WWP2: variants seen among roughly 807,000 people sequenced by gnomAD.
WWP2 encodes NEDD4-like E3 ubiquitin-protein ligase WWP2.
WWP2 carries 57 observed loss-of-function variants against 121.0 expected under a neutral mutation model. The observed-to-expected ratio is 0.47, with a 90% confidence interval of 0.38 to 0.59. WWP2 has a LOEUF of 0.59. Among genes scored for constraint, WWP2 ranks in the 20% least tolerant of loss-of-function variants. WWP2 has a pLI of 0.00. For missense variants in WWP2, 962 were observed against 1,158.9 expected (o/e 0.83, Z 2.47); for synonymous variants, 449 against 441.3 (o/e 1.02, Z -0.22).
At chr16:69,779,901 G>T (rs1177851977) in intron 1 of WWP2, among the ~76,000 whole-genome samples, 2 of 152,102 alleles carry the variant, frequency 1.3e-5, no homozygotes, top group African/African-American at 4.8e-5. Flanking sequence ...GTTCAATTAT[G>T]AAAGAGATCA....
Position 69,912,369 on chromosome 16 carries a change from TCACACACACA to T in WWP2, c.1004+3552_1004+3561del, listed in dbSNP as rs3051446. Among the ~76,000 whole-genome samples, 168 of 140,256 alleles carry T rather than the reference TCACACACACA, an allele frequency of 1.2e-3. 1 individual carries two copies. The highest frequency in any genetic ancestry group is 6.0e-3 in the South Asian group (25 of 4,190). 92.0% of individuals were successfully genotyped at this position (140,256 alleles called of 152,430 possible). ...TGGAAGTTTGTGCAGGGAGTTAGAT[TCACACACACA>T]CACACACACACACACACACACACAC... is the stretch of plus-strand genomic sequence containing the variant. On this transcript the variant is annotated intron_variant, in intron 9 of 23. Transcript: ENST00000359154.
intron 8 of WWP2, among the ~76,000 whole-genome samples, chr16:69,900,108 A>T (rs1253311387): frequency 6.6e-6 from 1 of 152,226 alleles, no homozygotes. Flanking sequence ...ATGCACTTAT[A>T]GCTAAATTTT....
At chr16:69,776,184 C>G (rs949393121) in intron 1 of WWP2, 5 of 152,142 alleles carry the variant, frequency 3.3e-5, no homozygotes, top group African/African-American at 1.2e-4. Flanking sequence ...TTTTTCTCCC[C>G]TTAGATGAAA....
intron 4 of WWP2, among the ~76,000 whole-genome samples, chr16:69,817,865 G>T (rs1246908249): frequency 6.6e-6 from 1 of 151,682 alleles, no homozygotes; most frequent in East Asian, 1.9e-4. Flanking sequence ...CAAAGTGTTG[G>T]GATTACAGGT....
intron 12 of WWP2, 107 bp from the exon 13 acceptor site, chr16:69,930,023 C>G: frequency 2.0e-6 from 3 of 1,533,654 alleles, no homozygotes; most frequent in Non-Finnish European, 1.8e-6. Context: ...CTCAAAGTCC[C>G]TCATGGGCTC....
chr16:69,927,622 CT>C lies in WWP2; in HGVS notation c.1235-1825del, dbSNP rs147332645. ...CCTCAAGCCCGCTGGACAGATCCCC[CT>C]GGCCCTGTGGTTAGCCTTGGCTTTG... On this transcript the variant is annotated intron_variant, in intron 11 of 23. Coordinates refer to ENST00000359154, the MANE Select transcript of WWP2 (RefSeq NM_001270454.2). Among the ~76,000 whole-genome samples, 274 of 152,362 alleles carry C rather than the reference CT, an allele frequency of 1.8e-3. 6 individuals are homozygous for C. In the East Asian group the frequency reaches 0.039, roughly 22 times the overall value.
chr16:69,823,087 C>T (rs557847892), intron 4 of WWP2, among the ~76,000 whole-genome samples: 58 of 152,212 alleles, frequency 3.8e-4, no homozygotes, highest in African/African-American at 1.3e-3. Flanking sequence ...GCCAAGATCG[C>T]GCCACTGCAC....
At chr16:69,789,567 T>C (rs1451049220) in intron 2 of WWP2, among the ~76,000 whole-genome samples, 1 of 152,098 alleles carries the variant, frequency 6.6e-6, no homozygotes, top group African/African-American at 2.4e-5. Context: ...CCTTCAGTGC[T>C]CCTCCTTGGA....
At chr16:69,794,856 A>C (rs1380881289) in intron 2 of WWP2, among the ~76,000 whole-genome samples, 1 of 152,188 alleles carries the variant, frequency 6.6e-6, no homozygotes, top group Non-Finnish European at 1.5e-5. Context: ...AAGATTAAGG[A>C]GATAGTAGCC....
intron 4 of WWP2, among the ~76,000 whole-genome samples, chr16:69,801,610 C>T (rs1049226000): frequency 2.6e-5 from 4 of 152,194 alleles, no homozygotes; most frequent in East Asian, 1.9e-4. Context: ...TTTATAGGCA[C>T]GATCACAGCT....
intron 1 of WWP2, among the ~76,000 whole-genome samples, chr16:69,779,263 T>G (rs2055612782): frequency 1.3e-5 from 2 of 152,206 alleles, no homozygotes; most frequent in African/African-American, 4.8e-5. Context: ...GGCCGGTTAT[T>G]TTTCTTTATG....
chr16:69,872,383 A>C (rs2151917321), intron 7 of WWP2, among the ~76,000 whole-genome samples: 1 of 152,030 alleles, frequency 6.6e-6, no homozygotes, highest in East Asian at 1.9e-4. Context: ...CGCCCGGCTA[A>C]TTTTTTGTGT....
At chr16:69,804,315 G>A (rs1167145997) in intron 4 of WWP2, among the ~76,000 whole-genome samples, 6 of 152,062 alleles carry the variant, frequency 3.9e-5, no homozygotes, top group Non-Finnish European at 7.4e-5. Context: ...TTTCCTGGGT[G>A]TTTATGATTT....
intron 5 of WWP2, 122 bp downstream of exon 5, chr16:69,840,385 C>T: frequency 2.2e-6 from 3 of 1,343,138 alleles, no homozygotes; most frequent in Non-Finnish European, 3.1e-6. Flanking sequence ...TCAGCCTGGC[C>T]CATAGCTAGC....
At chr16:69,938,960 T>G in intron 21 of WWP2, 67 bp from the exon 22 acceptor site, 3 of 1,462,010 alleles carry the variant, frequency 2.1e-6, no homozygotes, top group Non-Finnish European at 2.8e-6. Flanking sequence ...GCTAGAGAGC[T>G]CCACGTTCGG....
chr16:69,770,593 C>A (rs1326826755), intron 1 of WWP2, among the ~76,000 whole-genome samples: 1 of 152,156 alleles, frequency 6.6e-6, no homozygotes, highest in Non-Finnish European at 1.5e-5. Flanking sequence ...GTTGCTCTAG[C>A]AAATTTATCA....
intron 6 of WWP2, among the ~76,000 whole-genome samples, chr16:69,845,172 A>G (rs2057047454): frequency 6.6e-6 from 1 of 152,056 alleles, no homozygotes; most frequent in African/African-American, 2.4e-5. Context: ...CCTGTCTCAC[A>G]GGGTTATTGT....
chr16:69,771,294 G>T (rs1250599403), intron 1 of WWP2, among the ~76,000 whole-genome samples: 1 of 152,132 alleles, frequency 6.6e-6, no homozygotes, highest in Non-Finnish European at 1.5e-5. Context: ...TGTCTCCCAG[G>T]CTGGAGTGCA....
chr16:69,817,469 C>G (rs1186730007), intron 4 of WWP2, among the ~76,000 whole-genome samples: 1 of 152,040 alleles, frequency 6.6e-6, no homozygotes, highest in Non-Finnish European at 1.5e-5. Context: ...AGGCTGGTCT[C>G]GAACTCCTGA....
Sources: allele counts gnomAD v4.1 joint callset (sites outside exome capture counted in the v4.1 genomes callset), GRCh38; gene constraint gnomAD v4.1.1; transcripts MANE v1.5; gene names NCBI Gene and HGNC (gene_info 2026-07-23, HGNC 2026-07-21).